Variants in DACH1 observed in about 807,000 individuals in gnomAD.
DACH1 encodes the protein dachshund homolog 1.
Under a neutral mutation model 54.2 loss-of-function variants are expected in DACH1, and 12 were observed. The observed-to-expected ratio is 0.22, with a 90% CI of 0.14 to 0.36. The LOEUF (loss-of-function observed/expected upper bound fraction) is 0.36. Among genes scored for constraint, DACH1 ranks in the 10% least tolerant of loss-of-function variants. The probability of loss-of-function intolerance (pLI) is 1.00; values close to 1 mark genes in which losing one functional copy is unlikely to be tolerated. For missense variants in DACH1, 805 were observed against 929.8 expected (o/e 0.87, Z 1.75); for synonymous variants, 386 against 366.2 (o/e 1.05, Z -0.62).
chr13:71,811,689 C>T (rs994996740), intron 1 of DACH1, among the ~76,000 whole-genome samples: 2 of 152,150 alleles, frequency 1.3e-5, no homozygotes, highest in Non-Finnish European at 1.5e-5. Context: ...GTTTCACCTG[C>T]CATGTTGGTG....
intron 1 of DACH1, among the ~76,000 whole-genome samples, chr13:71,801,855 A>C (rs1887302712): frequency 1.3e-5 from 2 of 152,034 alleles, no homozygotes; most frequent in Admixed American, 6.6e-5. Flanking sequence ...AAAAAGAAAA[A>C]AAAAAAAAAA....
At chr13:71,844,381 G>A (rs1310047054) in intron 1 of DACH1, among the ~76,000 whole-genome samples, 3 of 152,124 alleles carry the variant, frequency 2.0e-5, no homozygotes, top group Non-Finnish European at 2.9e-5. Flanking sequence ...TCAATCATGA[G>A]TAGAAGCAAA....
At position 71,701,034 on chromosome 13, in the gene DACH1, C is replaced by G. The variant is rs1397066648; in HGVS notation, c.849-19124G>C. Among the ~76,000 whole-genome samples the G allele has an allele frequency of 2.0e-5, 3 of 152,024 alleles. No homozygotes were observed. The South Asian group carries it at 6.2e-4, about 32-fold the overall frequency. Reference sequence around the variant, plus strand: ...TTTTTAAAATTTAAAATCTGACTTGCTAATAAAATTTTATCAATCCTCCCT... The same window carrying G: ...TTTTTAAAATTTAAAATCTGACTTGGTAATAAAATTTTATCAATCCTCCCT... On this transcript the variant is annotated intron_variant, in intron 1 of 10. Transcript: ENST00000613252.
intron 1 of DACH1, among the ~76,000 whole-genome samples, chr13:71,863,522 G>A (rs1371396086): frequency 6.6e-6 from 1 of 152,140 alleles, no homozygotes; most frequent in Non-Finnish European, 1.5e-5. Flanking sequence ...TTACAGTAGT[G>A]ATGAGATATT....
intron 4 of DACH1, among the ~76,000 whole-genome samples, chr13:71,562,222 T>C (rs1370446488): frequency 6.6e-6 from 1 of 152,140 alleles, no homozygotes; most frequent in Non-Finnish European, 1.5e-5. Context: ...CCTTAATTGA[T>C]CGGGGTTAAC....
intron 6 of DACH1, among the ~76,000 whole-genome samples, chr13:71,525,574 T>C (rs1336171319): frequency 1.3e-5 from 2 of 152,134 alleles, no homozygotes; most frequent in Non-Finnish European, 2.9e-5. Context: ...GGGAAAGTAA[T>C]TGAAGACATG....
intron 4 of DACH1, among the ~76,000 whole-genome samples, chr13:71,567,262 C>A (rs1884946845): frequency 6.6e-6 from 1 of 151,844 alleles, no homozygotes; most frequent in Non-Finnish European, 1.5e-5. Flanking sequence ...AGATGTGTAT[C>A]CAACAATGTA....
chr13:71,595,186 C>T (rs928610963), intron 3 of DACH1, among the ~76,000 whole-genome samples: 2 of 151,860 alleles, frequency 1.3e-5, no homozygotes, highest in African/African-American at 4.8e-5. Context: ...CAGATGCATT[C>T]CTGGGATATT....
rs138023466 is a variant in DACH1, at chr13:71,500,743, T to C, written c.1571-11595A>G. On this transcript the variant is annotated intron_variant, in intron 6 of 10. Transcript: ENST00000613252. ...AATATTTTGAATGATTCCATGAATA[T>C]GGCCACCCACAAATATACATATATA... 1.7e-3 allele frequency among the ~76,000 whole-genome samples: 260 copies of C among 152,294 alleles called. 3 individuals are homozygous for C. In the East Asian group the frequency reaches 0.031, roughly 18 times the overall value.
At chr13:71,498,663 A>AG (rs1379890584) in intron 6 of DACH1, among the ~76,000 whole-genome samples, 1 of 29,934 alleles carries the variant, frequency 3.3e-5, no homozygotes, top group Admixed American at 4.7e-4. Context: ...AGAAGAAAAA[A>AG]AAAAAAAACC....
chr13:71,608,400 T>C (rs1875049149), intron 3 of DACH1, among the ~76,000 whole-genome samples: 1 of 152,008 alleles, frequency 6.6e-6, no homozygotes, highest in South Asian at 2.1e-4. Flanking sequence ...AGAACATAAG[T>C]AGTGTATAAA....
intron 1 of DACH1, among the ~76,000 whole-genome samples, chr13:71,757,546 CAGAG>C (rs1267846212): frequency 3.0e-5 from 4 of 135,266 alleles, no homozygotes; most frequent in African/African-American, 1.1e-4. Context: ...TTTTTTGAGA[CAGAG>C]TCTTGCTCTG....
chr13:71,502,062 A>G (rs1443871291), intron 6 of DACH1, among the ~76,000 whole-genome samples: 1 of 152,180 alleles, frequency 6.6e-6, no homozygotes, highest in Non-Finnish European at 1.5e-5. Flanking sequence ...GGGCATTCAA[A>G]AATACATTAA....
intron 1 of DACH1, among the ~76,000 whole-genome samples, chr13:71,696,393 A>T (rs1468782114): frequency 6.6e-6 from 1 of 152,206 alleles, no homozygotes; most frequent in African/African-American, 2.4e-5. Context: ...TGAGAGAATA[A>T]GTAACTTGAA....
At chr13:71,561,065 C>G (rs76594047) in intron 4 of DACH1, among the ~76,000 whole-genome samples, 5 of 152,046 alleles carry the variant, frequency 3.3e-5, no homozygotes, top group African/African-American at 9.7e-5. Flanking sequence ...TAACTTAATA[C>G]GGAAAACAAA....
At chr13:71,672,135 CT>C (rs1250557897) in intron 2 of DACH1, among the ~76,000 whole-genome samples, 1 of 151,968 alleles carries the variant, frequency 6.6e-6, no homozygotes, top group Admixed American at 6.6e-5. Context: ...TAGTACTGTT[CT>C]TTCCATTTAT....
At chr13:71,487,210 A>T (rs1001408995) in intron 7 of DACH1, among the ~76,000 whole-genome samples, 2 of 152,072 alleles carry the variant, frequency 1.3e-5, no homozygotes, top group African/African-American at 4.8e-5. Context: ...TCAGTCCCAG[A>T]TCCCTATAAT....
intron 1 of DACH1, among the ~76,000 whole-genome samples, chr13:71,772,919 C>T (rs1885919638): frequency 1.3e-5 from 2 of 151,748 alleles, no homozygotes; most frequent in Admixed American, 1.3e-4. Flanking sequence ...CAAGTGTTTA[C>T]AAAAGCAAAA....
chr13:71,826,391 T>A (rs150128650), intron 1 of DACH1, among the ~76,000 whole-genome samples: 3 of 152,222 alleles, frequency 2.0e-5, no homozygotes, highest in Admixed American at 1.3e-4. Flanking sequence ...TGGTTGCAGT[T>A]TTCCAGGCTA....
Sources: allele counts gnomAD v4.1 joint callset (sites outside exome capture counted in the v4.1 genomes callset), GRCh38; gene constraint gnomAD v4.1.1; transcripts MANE v1.5; gene names NCBI Gene and HGNC (gene_info 2026-07-23, HGNC 2026-07-21).